The following STXBP3 variants were observed in gnomAD, a reference collection of about 807,000 sequenced individuals.
STXBP3 encodes the protein syntaxin binding protein 3.
A neutral mutation model predicts 85.7 loss-of-function variants in STXBP3; 41 were observed. That is an observed-to-expected ratio of 0.48 (90% CI 0.37 to 0.62). STXBP3 has a LOEUF of 0.62. STXBP3 is among the 20% of genes least tolerant of loss of function. STXBP3 has a pLI of 0.00. For missense variants in STXBP3, 563 were observed against 703.1 expected, an observed-to-expected ratio of 0.80 and a Z score of 2.25; for synonymous variants, 229 against 231.7, an observed-to-expected ratio of 0.99 and a Z score of 0.10.
chr1:108,770,987 TCAACTATGGGA>T (rs1662380189), intron 6 of STXBP3, among the ~76,000 whole-genome samples: 1 of 152,246 alleles, frequency 6.6e-6, no homozygotes, highest in East Asian at 1.9e-4. Flanking sequence ...AAGACATGTA[TCAACTATGGGA>T]GATTTTTGGG....
intron 8 of STXBP3, among the ~76,000 whole-genome samples, chr1:108,778,953 T>C (rs1475529226): frequency 1.3e-5 from 2 of 152,166 alleles, no homozygotes; most frequent in Non-Finnish European, 2.9e-5. Flanking sequence ...ATTTTCTATC[T>C]GTTATTTAGT....
At chr1:108,770,927 GA>G (rs1662378617) in intron 6 of STXBP3, among the ~76,000 whole-genome samples, 1 of 152,076 alleles carries the variant, frequency 6.6e-6, no homozygotes, top group South Asian at 2.1e-4. Flanking sequence ...GTCTTTTGGG[GA>G]AATATGTCTC....
intron 15 of STXBP3, 39 bp from the exon 16 acceptor site, chr1:108,798,106 A>G (rs1663148980): frequency 6.9e-7 from 1 of 1,459,564 alleles, no homozygotes; most frequent in African/African-American, 1.4e-5. Context: ...ATTTGAATAG[A>G]ATTACTGGTT....
In STXBP3 at chr1:108,746,797, TG is replaced by T; in HGVS notation, c.49+15del. The T allele has an allele frequency of 6.5e-7, 1 of 1,541,296 alleles. No individual in the cohort carries two copies. On this transcript the variant is annotated intron_variant, in intron 1 of 18. Transcript: ENST00000370008. ...GCGTCGTGTGGCAGAGTGAGTGCGG[TG>T]GGGTAGGGGTTGAGAGAGGGAAGGC...
chr1:108,776,373 G>GA lies in STXBP3; in HGVS notation c.641dup (p.Leu215AlafsTer2). 1 of 1,608,708 alleles carries GA rather than the reference G, an allele frequency of 6.2e-7. No homozygotes were observed. ...TGCCAGTAAGCTTGCACAGCTTGTT[G>GA]AAAAAAAGCTTGAAGACTACTACAA... On this transcript the variant is annotated frameshift_variant, in exon 8 of 19. Transcript: ENST00000370008. LOFTEE classifies it high-confidence loss of function.
chr1:108,804,013 C>T (rs1470453126), intron 17 of STXBP3, among the ~76,000 whole-genome samples: 1 of 152,026 alleles, frequency 6.6e-6, no homozygotes, highest in Non-Finnish European at 1.5e-5. Context: ...TTTTTGTCCT[C>T]GGTTCTGTAT....
chr1:108,746,807 G>A lies in STXBP3; in HGVS notation c.49+21G>A, dbSNP rs1194515614. The A allele has an allele frequency of 1.0e-5, 16 of 1,548,818 alleles. No individual in the cohort carries two copies. In the South Asian group the frequency reaches 1.7e-4, roughly 16 times the overall value. ...GCAGAGTGAGTGCGGTGGGGTAGGG[G>A]TTGAGAGAGGGAAGGCCGGGAGGCT... On this transcript the variant is annotated intron_variant, in intron 1 of 18. Transcript: ENST00000370008.
chr1:108,759,398 G>A (rs918632237), intron 5 of STXBP3, among the ~76,000 whole-genome samples: 3 of 152,086 alleles, frequency 2.0e-5, no homozygotes, highest in Non-Finnish European at 2.9e-5. Context: ...GGAATCTTAA[G>A]GCTAAAGAAT....
In STXBP3 at chr1:108,746,714, C is replaced by A. The variant is rs370541430; in HGVS notation, c.-24C>A. 3.2e-6 allele frequency: 5 copies of A among 1,547,894 alleles called. No individual in the cohort carries two copies. In the Admixed American group the frequency reaches 9.8e-5, roughly 30 times the overall value. Reference sequence around the variant, plus strand: ...GTAGGTTGGGAGTGGAAGGTGGTGGCTGCTGCTCCGCAGTGTCGGGAAGAT... The same window carrying A: ...GTAGGTTGGGAGTGGAAGGTGGTGGATGCTGCTCCGCAGTGTCGGGAAGAT... On this transcript the variant is annotated 5_prime_UTR_variant, in exon 1 of 19. In the 5' UTR this introduces an upstream ATG that the reference lacks. Coordinates refer to ENST00000370008, the MANE Select transcript of STXBP3 (RefSeq NM_007269.4).
chr1:108,793,247 A>G (rs1227450574), intron 11 of STXBP3, among the ~76,000 whole-genome samples: 1 of 142,406 alleles, frequency 7.0e-6, no homozygotes, highest in Non-Finnish European at 1.5e-5. Context: ...TTTGGAAAAC[A>G]TCTTTAGGGA....
chr1:108,784,495 C>G (rs1181368119), intron 11 of STXBP3, among the ~76,000 whole-genome samples: 1 of 152,186 alleles, frequency 6.6e-6, no homozygotes, highest in Non-Finnish European at 1.5e-5. Flanking sequence ...TCAGTTATCT[C>G]TACCTGGTCC....
intron 6 of STXBP3, among the ~76,000 whole-genome samples, chr1:108,765,570 ATTTTTTTTT>A (rs35813823): frequency 1.5e-5 from 1 of 67,168 alleles, no homozygotes; most frequent in African/African-American, 6.0e-5. Flanking sequence ...CCACATGCTA[ATTTTTTTTT>A]TTTTTTTTTT....
rs76582582 is a variant in STXBP3 at position 108,766,487 on chromosome 1, C to T, written c.439-6178C>T. Among the ~76,000 whole-genome samples the T allele has an allele frequency of 3.8e-3, 581 of 151,958 alleles. 10 individuals are homozygous for T. Among genetic ancestry groups the T allele is most frequent in the East Asian group, 0.03 (157 of 5,166 alleles). On this transcript the variant is annotated intron_variant, in intron 6 of 18. Coordinates refer to ENST00000370008, the MANE Select transcript of STXBP3 (RefSeq NM_007269.4). ...AACATATACGTTACATTTGTGCATC[C>T]GTGTGTAAGCTATCCTGCTTGGTAT...
chr1:108,787,973 A>G (rs1348632961), intron 11 of STXBP3, among the ~76,000 whole-genome samples: 4 of 151,754 alleles, frequency 2.6e-5, no homozygotes, highest in African/African-American at 9.7e-5. Context: ...TGTGTTTTTA[A>G]TAGAGACAGA....
intron 16 of STXBP3, 87 bp downstream of exon 16, chr1:108,798,324 A>T (rs779764815): frequency 1.0e-6 from 1 of 988,396 alleles, no homozygotes; most frequent in Non-Finnish European, 1.5e-6. Flanking sequence ...GTCTGAGTAT[A>T]TGTATTGGGC....
At chr1:108,791,374 A>T (rs1180370942) in intron 11 of STXBP3, among the ~76,000 whole-genome samples, 2 of 152,052 alleles carry the variant, frequency 1.3e-5, no homozygotes, top group Non-Finnish European at 2.9e-5. Context: ...TTCTTGAGTC[A>T]CTGGGTTGAT....
chr1:108,750,303 C>T (rs1272885623), intron 1 of STXBP3, among the ~76,000 whole-genome samples: 1 of 152,074 alleles, frequency 6.6e-6, no homozygotes, highest in African/African-American at 2.4e-5. Context: ...CGGAGAAAAT[C>T]CTTTATTTTT....
intron 2 of STXBP3, 133 bp downstream of exon 2, chr1:108,752,439 G>A: frequency 2.6e-6 from 2 of 776,778 alleles, no homozygotes; most frequent in Non-Finnish European, 4.0e-6. Flanking sequence ...TGACGTATGT[G>A]GGAGGATGTG....
At chr1:108,759,445 T>C (rs1216405049) in intron 5 of STXBP3, among the ~76,000 whole-genome samples, 7 of 152,158 alleles carry the variant, frequency 4.6e-5, no homozygotes, top group Admixed American at 3.9e-4. Context: ...GTGGTTGATA[T>C]TCCAACCTAG....
Sources: gnomAD v4.1 joint callset for allele counts (sites outside exome capture counted in the v4.1 genomes callset) on GRCh38, gnomAD v4.1.1 for gene constraint, MANE v1.5 for transcripts, NCBI Gene and HGNC (gene_info 2026-07-23, HGNC 2026-07-21) for gene names.